The following RALGPS2 variants were observed in gnomAD, a reference collection of about 807,000 sequenced individuals.
RALGPS2 encodes Ral GEF with PH domain and SH3 binding motif 2.
RALGPS2 carries 43 observed loss-of-function variants against 86.8 expected under a neutral mutation model. That is an observed-to-expected ratio of 0.50 (90% CI 0.39 to 0.64). RALGPS2 has a LOEUF of 0.64. RALGPS2 is among the 30% of genes least tolerant of loss of function. The pLI, the probability that RALGPS2 is intolerant of heterozygous loss-of-function variation, is 0.00. For synonymous variants in RALGPS2, 243 were observed against 231.3 expected (o/e 1.05, Z -0.46); for missense variants, 536 against 694.6 (o/e 0.77, Z 2.57).
intron 8 of RALGPS2, among the ~76,000 whole-genome samples, chr1:178,874,602 C>A (rs1658916909): frequency 6.6e-6 from 1 of 152,200 alleles, no homozygotes; most frequent in Admixed American, 6.5e-5. Flanking sequence ...TATGAAACTC[C>A]TGTTTAAACT....
intron 1 of RALGPS2, among the ~76,000 whole-genome samples, chr1:178,727,618 T>C (rs1241949685): frequency 6.6e-6 from 1 of 152,192 alleles, no homozygotes; most frequent in African/African-American, 2.4e-5. Flanking sequence ...TAATATATTT[T>C]TGTGTGTGTT....
At position 178,917,055 on chromosome 1, in the gene RALGPS2, A is replaced by G. The variant is rs1449547549; in HGVS notation, c.*696A>G. The stretch of plus-strand genomic sequence containing the variant: ...TGAAATGTAGTACTGTAAGGGGAAC[A>G]TTATTTCCTGCAGGAGGTACAAAGG... On this transcript the variant is annotated 3_prime_UTR_variant, in exon 20 of 20. Coordinates refer to ENST00000367635, the MANE Select transcript of RALGPS2 (RefSeq NM_152663.5). The G allele has an allele frequency of 6.6e-6, 1 of 152,126 alleles. No homozygotes were observed. Among genetic ancestry groups the G allele is most frequent in the African/African-American group, 2.4e-5 (1 of 41,424 alleles). The allele number at this position is 152,126 out of a possible 1,614,324, so 9.4% of individuals were successfully genotyped here.
At chr1:178,769,323 C>T (rs1652668431) in intron 1 of RALGPS2, among the ~76,000 whole-genome samples, 2 of 152,170 alleles carry the variant, frequency 1.3e-5, no homozygotes, top group African/African-American at 4.8e-5. Flanking sequence ...GCTGCTAGTC[C>T]ATGCAAGCAG....
intron 1 of RALGPS2, among the ~76,000 whole-genome samples, chr1:178,765,443 T>G (rs909157695): frequency 4.6e-5 from 7 of 152,186 alleles, no homozygotes; most frequent in South Asian, 2.1e-4. Context: ...AGTGTACGAA[T>G]AAGGTGTGGG....
chr1:178,735,082 CA>C (rs1414184676), intron 1 of RALGPS2, among the ~76,000 whole-genome samples: 2 of 152,000 alleles, frequency 1.3e-5, no homozygotes, highest in African/African-American at 4.8e-5. Flanking sequence ...GGAAACAACC[CA>C]AATGTCTGTC....
chr1:178,795,238 A>C (rs1043411720), intron 4 of RALGPS2, among the ~76,000 whole-genome samples: 2 of 152,078 alleles, frequency 1.3e-5, no homozygotes, highest in African/African-American at 4.8e-5. Flanking sequence ...AGATCAATAC[A>C]TTAAGTCAGA....
intron 6 of RALGPS2, among the ~76,000 whole-genome samples, chr1:178,812,022 T>C (rs1423189212): frequency 6.6e-6 from 1 of 152,172 alleles, no homozygotes; most frequent in Non-Finnish European, 1.5e-5. Context: ...GAGTGAGCCC[T>C]TCCCTCTCCA....
intron 8 of RALGPS2, among the ~76,000 whole-genome samples, chr1:178,873,091 G>A (rs922480431): frequency 2.0e-5 from 3 of 152,108 alleles, no homozygotes; most frequent in South Asian, 2.1e-4. Context: ...AGAACTAGAC[G>A]AGAATGGTTA....
At chr1:178,772,779 CTT>C (rs1652868395) in intron 1 of RALGPS2, among the ~76,000 whole-genome samples, 1 of 152,150 alleles carries the variant, frequency 6.6e-6, no homozygotes, top group Admixed American at 6.5e-5. Flanking sequence ...ACAATTTTAA[CTT>C]AAGTGAATGA....
intron 7 of RALGPS2, among the ~76,000 whole-genome samples, chr1:178,825,273 A>G (rs1164238887): frequency 1.3e-5 from 2 of 152,200 alleles, no homozygotes; most frequent in Non-Finnish European, 2.9e-5. Flanking sequence ...GGGTAGCACA[A>G]GAGGTGAAAG....
intron 8 of RALGPS2, among the ~76,000 whole-genome samples, chr1:178,840,536 A>G (rs1656548169): frequency 6.6e-6 from 1 of 152,224 alleles, no homozygotes; most frequent in Non-Finnish European, 1.5e-5. Flanking sequence ...CTAAATGCCC[A>G]CAAGAGAAAG....
At chr1:178,792,893 A>G (rs1290793192) in intron 4 of RALGPS2, among the ~76,000 whole-genome samples, 1 of 152,158 alleles carries the variant, frequency 6.6e-6, no homozygotes, top group South Asian at 2.1e-4. Context: ...CTATTAATAT[A>G]CCCTTGCAAC....
chr1:178,788,855 CTTTTCTTTT>C (rs1321378280), intron 4 of RALGPS2, among the ~76,000 whole-genome samples: 1 of 128,740 alleles, frequency 7.8e-6, no homozygotes, highest in African/African-American at 3.2e-5. Flanking sequence ...CTTTTCTTTT[CTTTTCTTTT>C]CTTTTCTTTT....
intron 7 of RALGPS2, among the ~76,000 whole-genome samples, chr1:178,832,809 T>A (rs1267446973): frequency 1.3e-5 from 2 of 151,916 alleles, no homozygotes; most frequent in Non-Finnish European, 2.9e-5. Flanking sequence ...CCCTTGATTA[T>A]TTACATTGAT....
intron 4 of RALGPS2, among the ~76,000 whole-genome samples, chr1:178,799,041 G>A (rs1055896856): frequency 4.6e-5 from 7 of 152,080 alleles, no homozygotes; most frequent in Admixed American, 2.6e-4. Flanking sequence ...ACAAGTTGCT[G>A]TTGTTGTTGT....
chr1:178,906,731 G>A (rs372659612), intron 18 of RALGPS2, 45 bp from the exon 19 acceptor site: 66 of 1,477,912 alleles, frequency 4.5e-5, no homozygotes, highest in East Asian at 1.6e-4. Flanking sequence ...ATTATGTGTC[G>A]TCCTTACATT....
chr1:178,777,371 C>A (rs1444115500), intron 2 of RALGPS2, among the ~76,000 whole-genome samples: 1 of 151,850 alleles, frequency 6.6e-6, no homozygotes, highest in Non-Finnish European at 1.5e-5. Flanking sequence ...AACTACAAAC[C>A]ACTGCTCAAG....
intron 2 of RALGPS2, among the ~76,000 whole-genome samples, chr1:178,777,048 CCACT>C (rs1337597807): frequency 1.3e-5 from 2 of 150,778 alleles, no homozygotes; most frequent in African/African-American, 4.9e-5. Flanking sequence ...TGCGCTGCAC[CCACT>C]AACTCGTCAT....
chr1:178,866,054 C>G (rs1000938748), intron 8 of RALGPS2, among the ~76,000 whole-genome samples: 16 of 151,918 alleles, frequency 1.1e-4, no homozygotes, highest in African/African-American at 3.9e-4. Context: ...TTTTTGTTCC[C>G]CAGTTTATTG....
Sources: gnomAD v4.1 joint callset for allele counts (sites outside exome capture counted in the v4.1 genomes callset) on GRCh38, gnomAD v4.1.1 for gene constraint, MANE v1.5 for transcripts, NCBI Gene and HGNC (gene_info 2026-07-23, HGNC 2026-07-21) for gene names.